Variants in ATP13A3 observed in about 807,000 individuals in gnomAD.
The protein encoded by ATP13A3 is ATPase 13A3, also known as polyamine-transporting ATPase 13A3.
Under a neutral mutation model 158.1 loss-of-function variants are expected in ATP13A3, and 59 were observed. That is an observed-to-expected ratio of 0.37 (90% confidence interval 0.30 to 0.46). The LOEUF is 0.46. Ranked by LOEUF, ATP13A3 falls within the 20% of genes least tolerant of loss-of-function variation. The pLI, the probability that ATP13A3 is intolerant of heterozygous loss-of-function variation, is 1.00. For synonymous variants in ATP13A3, 491 were observed against 504.3 expected (o/e 0.97, Z 0.35); for missense variants, 1,166 against 1,525.2 (o/e 0.76, Z 3.92).
At chr3:194,478,822 T>C (rs1281686594) in intron 2 of ATP13A3, among the ~76,000 whole-genome samples, 2 of 152,202 alleles carry the variant, frequency 1.3e-5, no homozygotes, top group Non-Finnish European at 2.9e-5. Context: ...CCTGCTGGAC[T>C]GTGTATGTGT....
rs770341670 is a variant in ATP13A3, at chr3:194,460,828, T to C, written c.55A>G (p.Ile19Val). Residue 19 changes from isoleucine (I) to valine (V), a missense_variant, in exon 4 of 34, where the codon ATT becomes GTT. Physicochemically the swap from Ile to Val is conservative, Grantham distance 29. Around this residue, in one of 3 missense-constraint regions of ATP13A3, gnomAD observed 65 missense variants for 92.4 expected, o/e 0.70. Coordinates refer to ENST00000645319, the MANE Select transcript of ATP13A3 (RefSeq NM_001367549.1). ...CAGCGACTCAAATTGTAACCATAAATCTCCTGCATGGACACAGCGATCACA... is the reference window on the plus strand; with the variant it reads ...CAGCGACTCAAATTGTAACCATAAACCTCCTGCATGGACACAGCGATCACA... ...INQGQEDEME[I>V]YGYNLSRWKL... 1 of 1,613,466 alleles carries C rather than the reference T, an allele frequency of 6.2e-7. No individual in the cohort carries two copies. The highest frequency in any genetic ancestry group is 1.1e-5 in the South Asian group (1 of 91,026).
At chr3:194,469,860 T>C (rs904787872) in intron 2 of ATP13A3, among the ~76,000 whole-genome samples, 28 of 152,334 alleles carry the variant, frequency 1.8e-4, no homozygotes, top group African/African-American at 6.7e-4. Context: ...TCAGTTCTAC[T>C]TTTTGCTGTT....
Position 194,460,837 on chromosome 3 carries a change from T to C in ATP13A3, c.52-6A>G. 1 of 1,611,750 alleles carries C rather than the reference T, an allele frequency of 6.2e-7. No individual in the cohort carries two copies. Among genetic ancestry groups the C allele is most frequent in the Non-Finnish European group, 8.5e-7 (1 of 1,178,830 alleles). ...AAATTGTAACCATAAATCTCCTGCA[T>C]GGACACAGCGATCACATGATTAATT... is the stretch of plus-strand genomic sequence containing the variant. On this transcript the variant is annotated splice_region_variant and splice_polypyrimidine_tract_variant and intron_variant, in intron 3 of 33. Transcript: ENST00000645319.
chr3:194,486,628 G>A lies in ATP13A3; in HGVS notation c.-151C>T. 1 of 148,770 alleles carries A rather than the reference G, an allele frequency of 6.7e-6. No individual in the cohort carries two copies. Among genetic ancestry groups the A allele is most frequent in the Non-Finnish European group, 1.5e-5 (1 of 66,754 alleles). The allele number at this position is 148,770 out of a possible 1,614,324, so 9.2% of individuals were successfully genotyped here. A position where few individuals can be genotyped will look rare whatever the true frequency, so the allele number is the denominator to read the frequency against. ...CGCGGCCTCCCTCGCGGCCGGACCA[G>A]CCCCAGGGACCGCGGGGGACCCGGC... is the stretch of plus-strand genomic sequence containing the variant. On this transcript the variant is annotated 5_prime_UTR_variant, in exon 1 of 34. Transcript: ENST00000645319.
At chr3:194,415,978 A>T (rs1489211800) in intron 31 of ATP13A3, among the ~76,000 whole-genome samples, 1 of 152,252 alleles carries the variant, frequency 6.6e-6, no homozygotes, top group East Asian at 1.9e-4. Context: ...GATCTCATTC[A>T]TGCAGAGGCA....
chr3:194,465,872 C>T (rs1188248297), intron 2 of ATP13A3, among the ~76,000 whole-genome samples: 4 of 151,790 alleles, frequency 2.6e-5, no homozygotes, highest in Non-Finnish European at 5.9e-5. Context: ...GTCCCAGCTA[C>T]TCAGGAGGGT....
chr3:194,485,492 G>A (rs1389006049), intron 2 of ATP13A3, among the ~76,000 whole-genome samples: 1 of 152,146 alleles, frequency 6.6e-6, no homozygotes, highest in Non-Finnish European at 1.5e-5. Context: ...CCCTTCAAAG[G>A]AATCAAATCG....
chr3:194,442,655 C>T (rs1323574596), intron 15 of ATP13A3, among the ~76,000 whole-genome samples: 3 of 151,674 alleles, frequency 2.0e-5, no homozygotes, highest in Non-Finnish European at 4.4e-5. Context: ...AAACAAAACA[C>T]AAGGAAAAGG....
At chr3:194,467,083 C>T (rs542985989) in intron 2 of ATP13A3, among the ~76,000 whole-genome samples, 60 of 152,316 alleles carry the variant, frequency 3.9e-4, no homozygotes, top group African/African-American at 1.4e-3. Flanking sequence ...TCCCACAAAC[C>T]TACAGACTTC....
upstream of ATP13A3, chr3:194,487,893 G>A (rs1322847753): frequency 6.6e-6 from 1 of 152,428 alleles, no homozygotes; most frequent in Non-Finnish European, 1.5e-5. Context: ...AGGACGGCAT[G>A]CATGCGGACC....
chr3:194,448,837 A>G lies in ATP13A3; in HGVS notation c.971-201T>C, dbSNP rs956323326. Among the ~76,000 whole-genome samples, 1 of 152,230 alleles carries G rather than the reference A, an allele frequency of 6.6e-6. No homozygotes were observed. The highest frequency in any genetic ancestry group is 1.5e-5 in the Non-Finnish European group (1 of 68,036). ...ACCAATTTCCTCACATAGAAGTATCAAATATTATCTCCCACAATAATTCCA... is the reference window on the plus strand; with the variant it reads ...ACCAATTTCCTCACATAGAAGTATCGAATATTATCTCCCACAATAATTCCA... On this transcript the variant is annotated intron_variant, in intron 11 of 33. Coordinates refer to ENST00000645319, the MANE Select transcript of ATP13A3 (RefSeq NM_001367549.1). The surrounding 1 kb of genome is among the most constrained non-coding windows in gnomAD (Gnocchi z 4.0).
intron 2 of ATP13A3, among the ~76,000 whole-genome samples, chr3:194,474,908 C>T (rs1720459647): frequency 6.6e-6 from 1 of 152,188 alleles, no homozygotes; most frequent in East Asian, 1.9e-4. Context: ...AGCTAAGTAA[C>T]GTGCACTGTT....
intron 2 of ATP13A3, among the ~76,000 whole-genome samples, chr3:194,465,807 C>A (rs906434337): frequency 3.6e-5 from 5 of 139,564 alleles, no homozygotes; most frequent in Admixed American, 6.8e-5. Context: ...CTACTAAAAA[C>A]ACACACACAC....
intron 8 of ATP13A3, 69 bp from the exon 9 acceptor site, chr3:194,454,461 AT>A: frequency 4.2e-6 from 6 of 1,435,850 alleles, no homozygotes; most frequent in Non-Finnish European, 5.8e-6. Context: ...CCATCTTTTC[AT>A]TTGACAAACA....
chr3:194,416,045 T>C (rs1171957485), intron 31 of ATP13A3, among the ~76,000 whole-genome samples: 2 of 152,200 alleles, frequency 1.3e-5, no homozygotes, highest in Non-Finnish European at 2.9e-5. Context: ...GTGTGCATCA[T>C]GACCAAACTG....
chr3:194,441,611 T>G, intron 15 of ATP13A3, 150 bp from the exon 16 acceptor site: 2 of 698,592 alleles, frequency 2.9e-6, no homozygotes, highest in Non-Finnish European at 4.5e-6. Context: ...GTGTCAGAAA[T>G]ACAGGGAAAA....
At chr3:194,473,487 A>G (rs1332744040) in intron 2 of ATP13A3, among the ~76,000 whole-genome samples, 1 of 81,494 alleles carries the variant, frequency 1.2e-5, no homozygotes, top group South Asian at 4.3e-4. Flanking sequence ...TAAATTGGTG[A>G]AAAAAAAAAA....
chr3:194,459,462 G>T lies in ATP13A3; in HGVS notation c.479+9C>A. ...CAAAATACAATCCAAACAAAAGGAAGATACTTACTTTAAGAAATCAAAATT... is the reference window on the plus strand; with the variant it reads ...CAAAATACAATCCAAACAAAAGGAATATACTTACTTTAAGAAATCAAAATT... On this transcript the variant is annotated intron_variant, in intron 6 of 33. Coordinates refer to ENST00000645319, the MANE Select transcript of ATP13A3 (RefSeq NM_001367549.1). 1 of 1,528,482 alleles carries T rather than the reference G, an allele frequency of 6.5e-7. No homozygotes were observed. The highest frequency in any genetic ancestry group is 9.1e-7 in the Non-Finnish European group (1 of 1,103,092). 94.7% of individuals were successfully genotyped at this position (1,528,482 alleles called of 1,614,324 possible). A position where few individuals can be genotyped will look rare whatever the true frequency, so the allele number is the denominator to read the frequency against.
chr3:194,458,546 G>C (rs1167315794), intron 6 of ATP13A3, among the ~76,000 whole-genome samples: 1 of 151,906 alleles, frequency 6.6e-6, no homozygotes, highest in African/African-American at 2.4e-5. Context: ...TCCATCACCA[G>C]GCTAATTTTT....
Sources: gnomAD v4.1 joint callset for allele counts (sites outside exome capture counted in the v4.1 genomes callset) on GRCh38, gnomAD v4.1.1 for gene constraint, gnomAD v4.1.1 regional missense constraint, Gnocchi (gnomAD v3.1) non-coding constraint, MANE v1.5 for transcripts, NCBI Gene and HGNC (gene_info 2026-07-23, HGNC 2026-07-21) for gene names.